Variants in MALRD1 observed in about 807,000 individuals in gnomAD.
MALRD1 encodes MAM and LDL-receptor class A domain-containing protein 1.
A neutral mutation model predicts 242.1 loss-of-function variants in MALRD1; 247 were observed. That is an observed-to-expected ratio of 1.02 (90% CI 0.92 to 1.13). MALRD1 has a LOEUF of 1.13. Ranked by LOEUF, MALRD1 falls within the 50% of genes most tolerant of loss-of-function variation. MALRD1 has a pLI of 0.00. For missense variants in MALRD1, 2,989 were observed against 2,533.1 expected (o/e 1.18, Z -3.86); for synonymous variants, 995 against 866.6 (o/e 1.15, Z -2.60).
chr10:19,629,000 C>T (rs983582846), intron 36 of MALRD1, among the ~76,000 whole-genome samples: 1 of 152,096 alleles, frequency 6.6e-6, no homozygotes, highest in African/African-American at 2.4e-5. Flanking sequence ...ACTGCTCTCG[C>T]CCAGCTCACC....
chr10:19,619,960 T>A (rs1839329438), intron 36 of MALRD1, among the ~76,000 whole-genome samples: 1 of 151,792 alleles, frequency 6.6e-6, no homozygotes, highest in Admixed American at 6.6e-5. Flanking sequence ...GAGGCTGCAA[T>A]GAGTCGTGAT....
At chr10:19,219,596 C>G (rs531822120) in intron 18 of MALRD1, among the ~76,000 whole-genome samples, 1 of 151,946 alleles carries the variant, frequency 6.6e-6, no homozygotes, top group Non-Finnish European at 1.5e-5. Flanking sequence ...ACCACCACAC[C>G]GGCTAATTTT....
At chr10:19,168,329 G>A (rs1008596979) in intron 13 of MALRD1, among the ~76,000 whole-genome samples, 15 of 152,136 alleles carry the variant, frequency 9.9e-5, no homozygotes, top group Non-Finnish European at 2.2e-4. Flanking sequence ...TTGATCTTTT[G>A]CCTCCTGCAT....
At chr10:19,057,351 G>T (rs1422449025) in intron 1 of MALRD1, among the ~76,000 whole-genome samples, 1 of 152,084 alleles carries the variant, frequency 6.6e-6, no homozygotes, top group African/African-American at 2.4e-5. Context: ...TCTGCAGACG[G>T]CTGCCTTCTT....
chr10:19,694,202 C>A (rs1266052223), intron 38 of MALRD1, among the ~76,000 whole-genome samples: 1 of 152,160 alleles, frequency 6.6e-6, no homozygotes, highest in Non-Finnish European at 1.5e-5. Flanking sequence ...AAAGCAATGG[C>A]AACAAAAGCC....
At chr10:19,457,376 T>G (rs554887152) in intron 29 of MALRD1, among the ~76,000 whole-genome samples, 2 of 152,132 alleles carry the variant, frequency 1.3e-5, no homozygotes, top group East Asian at 3.9e-4. Context: ...AAAGCGGGTT[T>G]ATTACGTACA....
chr10:19,450,261 CT>C, intron 28 of MALRD1, 45 bp from the exon 29 acceptor site: 1 of 1,491,486 alleles, frequency 6.7e-7, no homozygotes, highest in Non-Finnish European at 9.0e-7. Flanking sequence ...GCATCATCTT[CT>C]TTTGTGTTTG....
chr10:19,561,768 G>A (rs1475191444), intron 32 of MALRD1, among the ~76,000 whole-genome samples: 2 of 151,248 alleles, frequency 1.3e-5, no homozygotes, highest in East Asian at 1.9e-4. Context: ...TGGAATGCCT[G>A]GAACTGGTTA....
chr10:19,324,611 A>T (rs1464898084), intron 22 of MALRD1, among the ~76,000 whole-genome samples: 3 of 140,216 alleles, frequency 2.1e-5, no homozygotes, highest in South Asian at 2.2e-4. Context: ...TTTTTTTTTA[A>T]AAAAAAACGA....
At chr10:19,233,426 T>G (rs1351380566) in intron 18 of MALRD1, among the ~76,000 whole-genome samples, 2 of 152,234 alleles carry the variant, frequency 1.3e-5, no homozygotes, top group East Asian at 3.9e-4. Flanking sequence ...CATTTGAACC[T>G]GGGAGGTGGG....
intron 29 of MALRD1, among the ~76,000 whole-genome samples, chr10:19,474,256 G>A (rs558069113): frequency 2.0e-5 from 3 of 152,006 alleles, no homozygotes; most frequent in African/African-American, 4.8e-5. Flanking sequence ...GTGAAGAGTA[G>A]GATCACTCTT....
At chr10:19,543,499 G>A (rs1835076830) in intron 32 of MALRD1, among the ~76,000 whole-genome samples, 1 of 140,124 alleles carries the variant, frequency 7.1e-6, no homozygotes, top group African/African-American at 2.7e-5. Context: ...GTCTCCAACT[G>A]CTGGACTCAT....
chr10:19,667,846 G>C (rs1400482757), intron 36 of MALRD1, among the ~76,000 whole-genome samples: 1 of 152,096 alleles, frequency 6.6e-6, no homozygotes, highest in South Asian at 2.1e-4. Context: ...ACCATAGAAG[G>C]GGTAACTTAT....
intron 29 of MALRD1, among the ~76,000 whole-genome samples, chr10:19,483,177 A>T (rs1299883628): frequency 1.3e-5 from 2 of 149,876 alleles, no homozygotes; most frequent in Non-Finnish European, 3.0e-5. Context: ...TAAAGATTTA[A>T]TGGAAGACCT....
chr10:19,555,167 G>C (rs960473996), intron 32 of MALRD1, among the ~76,000 whole-genome samples: 7 of 152,126 alleles, frequency 4.6e-5, no homozygotes, highest in African/African-American at 1.2e-4. Flanking sequence ...ATGTGGCCAG[G>C]CTTCTTTAAA....
chr10:19,568,522 C>G (rs772293301), intron 33 of MALRD1, among the ~76,000 whole-genome samples: 22 of 152,042 alleles, frequency 1.4e-4, no homozygotes, highest in Non-Finnish European at 2.4e-4. Context: ...TTCTTTGAGT[C>G]TAATAACCAG....
At chr10:19,380,190 G>A (rs1343171294) in intron 26 of MALRD1, among the ~76,000 whole-genome samples, 4 of 151,122 alleles carry the variant, frequency 2.6e-5, no homozygotes, top group South Asian at 2.1e-4. Context: ...GGCCAGGCTC[G>A]TCTCGAACAC....
intron 26 of MALRD1, among the ~76,000 whole-genome samples, chr10:19,370,311 G>C (rs1845319247): frequency 1.3e-5 from 2 of 152,024 alleles, no homozygotes; most frequent in South Asian, 4.2e-4. Context: ...GTTAATCTGG[G>C]AGGATTGGTG....
At chr10:19,541,706 G>C (rs750296922) in intron 32 of MALRD1, among the ~76,000 whole-genome samples, 5 of 152,188 alleles carry the variant, frequency 3.3e-5, no homozygotes, top group African/African-American at 4.8e-5. Context: ...ACACTTAGGA[G>C]TGTGTCAAGC....
Sources: allele counts gnomAD v4.1 joint callset (sites outside exome capture counted in the v4.1 genomes callset), GRCh38; gene constraint gnomAD v4.1.1; transcripts MANE v1.5; gene names NCBI Gene and HGNC (gene_info 2026-07-23, HGNC 2026-07-21).